ACBD3: variants seen among roughly 807,000 people sequenced by gnomAD.
ACBD3 encodes the protein Golgi resident protein GCP60.
A neutral mutation model predicts 66.9 loss-of-function variants in ACBD3; 30 were observed. The ratio of observed to expected loss-of-function variants is 0.45; its 90% CI spans 0.34 to 0.61. ACBD3 has a LOEUF of 0.61. Among genes scored for constraint, ACBD3 ranks in the 20% least tolerant of loss-of-function variants. The probability of loss-of-function intolerance (pLI) is 0.02; values close to 1 mark genes in which losing one functional copy is unlikely to be tolerated. For missense variants in ACBD3, 544 were observed against 664.5 expected (o/e 0.82, Z 1.99); for synonymous variants, 278 against 259.8 (o/e 1.07, Z -0.68).
chr1:226,161,419 A>G, intron 4 of ACBD3, 112 bp downstream of exon 4: 1 of 1,484,360 alleles, frequency 6.7e-7, no homozygotes. Flanking sequence ...CCGCCTCCCA[A>G]AGTGCTGGGA....
intron 5 of ACBD3, among the ~76,000 whole-genome samples, chr1:226,158,038 T>C (rs78272145): frequency 6.6e-6 from 1 of 152,182 alleles, no homozygotes; most frequent in Non-Finnish European, 1.5e-5. Flanking sequence ...AGAGAATAAA[T>C]CTCTCAAAAA....
intron 5 of ACBD3, among the ~76,000 whole-genome samples, chr1:226,156,941 C>T (rs1017199196): frequency 6.6e-6 from 1 of 152,104 alleles, no homozygotes; most frequent in African/African-American, 2.4e-5. Context: ...CTGGGAACCC[C>T]CGACCATGAA....
rs1479491645 is a variant in ACBD3, at chr1:226,171,329, A to C, written c.287-5329T>G. Among the ~76,000 whole-genome samples the C allele has an allele frequency of 4.0e-5, 6 of 151,552 alleles. No individual in the cohort carries two copies. The East Asian group carries it at 1.2e-3, about 30-fold the overall frequency. On this transcript the variant is annotated intron_variant, in intron 1 of 7. Coordinates refer to ENST00000366812, the MANE Select transcript of ACBD3 (RefSeq NM_022735.4). ...CGCCTGGCTACTTTTTGTACTTTTT[A>C]GTAGGGACGAGGTTTTACCATGTTG...
Position 226,159,179 on chromosome 1 carries a change from C to G in ACBD3, c.903+5G>C, listed in dbSNP as rs769841214. The stretch of plus-strand genomic sequence containing the variant: ...AAGGCTGAATTCTAGGGTTGTCTAT[C>G]GTACCTGTTGCTGTGCAAGCTGGAC... On this transcript the variant is annotated splice_donor_5th_base_variant and intron_variant, in intron 5 of 7. Coordinates refer to ENST00000366812, the MANE Select transcript of ACBD3 (RefSeq NM_022735.4). 1 of 1,613,830 alleles carries G rather than the reference C, an allele frequency of 6.2e-7. No homozygotes were observed. The highest frequency in any genetic ancestry group is 1.3e-5 in the African/African-American group (1 of 74,912).
rs71574561 is a variant in ACBD3, at chr1:226,145,834, CCAAAA to C, written c.*771_*775del. On this transcript the variant is annotated 3_prime_UTR_variant, in exon 8 of 8. Coordinates refer to ENST00000366812, the MANE Select transcript of ACBD3 (RefSeq NM_022735.4). ...TTTCAATTTGAGATACTCTATGAAG[CCAAAA>C]CAAAACAAAACAAAACAAAAAACCT... 48,306 of 151,504 alleles carry C rather than the reference CCAAAA, an allele frequency of 0.32. 7,865 individuals are homozygous for C. The highest frequency in any genetic ancestry group is 0.38 in the Admixed American group (5,714 of 15,180). The allele number at this position is 151,504 out of a possible 1,614,324, so 9.4% of individuals were successfully genotyped here.
At chr1:226,180,172 CAAA>C (rs75428761) in intron 1 of ACBD3, among the ~76,000 whole-genome samples, 4 of 58,190 alleles carry the variant, frequency 6.9e-5, no homozygotes, top group Non-Finnish European at 1.5e-4. Context: ...CTCTGTCTCC[CAAA>C]AAAAAAAAAA....
chr1:226,170,253 G>A (rs1659967239), intron 1 of ACBD3, among the ~76,000 whole-genome samples: 2 of 149,738 alleles, frequency 1.3e-5, no homozygotes, highest in South Asian at 4.2e-4. Flanking sequence ...TGCCTCCTGG[G>A]TTCACGCCAT....
intron 1 of ACBD3, among the ~76,000 whole-genome samples, chr1:226,172,179 C>A (rs1206867544): frequency 0.29 from 20,007 of 68,974 alleles, 1,681 homozygotes; most frequent in East Asian, 0.38. Flanking sequence ...AAGAGGAATA[C>A]ATTTTCAGTG....
chr1:226,172,250 G>A lies in ACBD3; in HGVS notation c.287-6250C>T, dbSNP rs551957933. ...TGTGAACTTCAGTGCTTAAGCCTACGTTTTTGTTCACAGGCCCTCATCAAA... is the reference window on the plus strand; with the variant it reads ...TGTGAACTTCAGTGCTTAAGCCTACATTTTTGTTCACAGGCCCTCATCAAA... On this transcript the variant is annotated intron_variant, in intron 1 of 7. Coordinates refer to ENST00000366812, the MANE Select transcript of ACBD3 (RefSeq NM_022735.4). Among the ~76,000 whole-genome samples the A allele has an allele frequency of 4.0e-5, 6 of 150,668 alleles. No homozygotes were observed. The East Asian group carries it at 7.9e-4, about 20-fold the overall frequency.
At chr1:226,165,282 T>C (rs1659854368) in intron 2 of ACBD3, among the ~76,000 whole-genome samples, 1 of 152,122 alleles carries the variant, frequency 6.6e-6, no homozygotes, top group Non-Finnish European at 1.5e-5. Flanking sequence ...GCGATTCTCC[T>C]GCTTCAGCCT....
intron 3 of ACBD3, among the ~76,000 whole-genome samples, chr1:226,163,433 T>G (rs1243471611): frequency 6.6e-6 from 1 of 152,080 alleles, no homozygotes; most frequent in Admixed American, 6.6e-5. Flanking sequence ...CTGTAGGACA[T>G]AAATCAATTT....
chr1:226,164,832 CA>C lies in ACBD3; in HGVS notation c.525del (p.Tyr175Ter). The C allele has an allele frequency of 6.2e-7, 1 of 1,611,172 alleles. No homozygotes were observed. The highest frequency in any genetic ancestry group is 8.5e-7 in the Non-Finnish European group (1 of 1,178,794). On this transcript the variant is annotated frameshift_variant, in exon 3 of 8. Coordinates refer to ENST00000366812, the MANE Select transcript of ACBD3 (RefSeq NM_022735.4). LOFTEE classifies it high-confidence loss of function. ...TCCTTCTCTATTTTGTGGGACGCAA[CA>C]TATGTTGAAAAGAGATGGCAACACC... ...LNRCCHLFST[Y>X]VASHKIEKEE... is the part of the protein sequence containing the mutation.
At chr1:226,157,597 T>C (rs1352064310) in intron 5 of ACBD3, among the ~76,000 whole-genome samples, 1 of 152,132 alleles carries the variant, frequency 6.6e-6, no homozygotes, top group African/African-American at 2.4e-5. Context: ...TGGAATGTAG[T>C]GGCGCCATCA....
chr1:226,175,009 C>G (rs1182589974), intron 1 of ACBD3, among the ~76,000 whole-genome samples: 1 of 146,742 alleles, frequency 6.8e-6, no homozygotes, highest in Non-Finnish European at 1.5e-5. Context: ...ACAGGAGAAT[C>G]GCTTGAACCT....
At chr1:226,164,957 T>A in intron 2 of ACBD3, 28 bp from the exon 3 acceptor site, 1 of 1,511,806 alleles carries the variant, frequency 6.6e-7, no homozygotes. Context: ...AAAAGTTACC[T>A]CCCCTTCTTA....
chr1:226,161,441 AACC>A lies in ACBD3; in HGVS notation c.728+87_728+89del, dbSNP rs368707028. On this transcript the variant is annotated intron_variant, in intron 4 of 7. Coordinates refer to ENST00000366812, the MANE Select transcript of ACBD3 (RefSeq NM_022735.4). ...CCAAAGTGCTGGGATTACAGGCGTG[AACC>A]ACCACACCTGGCCCGCTCATTTCTT... The A allele has an allele frequency of 4.9e-5, 76 of 1,563,068 alleles. No individual in the cohort carries two copies. The African/African-American group carries it at 9.5e-4, about 20-fold the overall frequency.
chr1:226,151,307 G>C (rs1288281677), intron 7 of ACBD3, among the ~76,000 whole-genome samples: 1 of 152,184 alleles, frequency 6.6e-6, no homozygotes, highest in African/African-American at 2.4e-5. Context: ...TTCTCACAGG[G>C]CATGCATTCC....
intron 1 of ACBD3, among the ~76,000 whole-genome samples, chr1:226,172,904 T>C (rs1398871242): frequency 6.6e-6 from 1 of 152,130 alleles, no homozygotes; most frequent in Non-Finnish European, 1.5e-5. Context: ...TCCAATAGAC[T>C]GTGAAAGCAC....
chr1:226,180,780 C>T (rs1180194975), intron 1 of ACBD3, among the ~76,000 whole-genome samples: 2 of 152,112 alleles, frequency 1.3e-5, no homozygotes, highest in African/African-American at 2.4e-5. Flanking sequence ...AGGTGGATTA[C>T]CTGAGGTCAG....
Sources: gnomAD v4.1 joint callset for allele counts (sites outside exome capture counted in the v4.1 genomes callset) on GRCh38, gnomAD v4.1.1 for gene constraint, MANE v1.5 for transcripts, NCBI Gene and HGNC (gene_info 2026-07-23, HGNC 2026-07-21) for gene names.